The following SCFD2 variants were observed in gnomAD, a reference collection of about 807,000 sequenced individuals.
SCFD2 encodes the protein sec1 family domain containing 2.
SCFD2 carries 54 observed loss-of-function variants against 58.9 expected under a neutral mutation model. The ratio of observed to expected loss-of-function variants is 0.92; its 90% confidence interval spans 0.74 to 1.15. The LOEUF is 1.15. SCFD2 is among the 50% of genes most tolerant of loss of function. The pLI is 0.00. For missense variants in SCFD2, 805 were observed against 836.6 expected (o/e 0.96, Z 0.47); for synonymous variants, 321 against 335.9 (o/e 0.96, Z 0.49).
At chr4:53,197,319 A>C (rs557505328) in intron 4 of SCFD2, among the ~76,000 whole-genome samples, 1 of 152,264 alleles carries the variant, frequency 6.6e-6, no homozygotes, top group East Asian at 1.9e-4. Context: ...ATCATCTGTT[A>C]GTTTCTTCTG....
chr4:53,092,277 G>A (rs1295965745), intron 5 of SCFD2, among the ~76,000 whole-genome samples: 1 of 152,034 alleles, frequency 6.6e-6, no homozygotes, highest in Non-Finnish European at 1.5e-5. Context: ...ATAACAGGTC[G>A]TATTTTTTAA....
chr4:52,996,669 T>A (rs1721747485), intron 5 of SCFD2, among the ~76,000 whole-genome samples: 1 of 152,208 alleles, frequency 6.6e-6, no homozygotes, highest in African/African-American at 2.4e-5. Flanking sequence ...GCCCATCTCA[T>A]CTCAGAAAAC....
intron 1 of SCFD2, among the ~76,000 whole-genome samples, chr4:53,353,406 T>C (rs1287897489): frequency 1.3e-5 from 2 of 152,158 alleles, no homozygotes; most frequent in Non-Finnish European, 2.9e-5. Context: ...CAGCAATATT[T>C]ATTGCAGAGA....
intron 4 of SCFD2, among the ~76,000 whole-genome samples, chr4:53,254,857 T>A (rs944104481): frequency 4.8e-5 from 7 of 144,360 alleles, no homozygotes; most frequent in Non-Finnish European, 7.5e-5. Flanking sequence ...TTTATTTTAT[T>A]TTATTTATTT....
intron 4 of SCFD2, among the ~76,000 whole-genome samples, chr4:53,268,245 A>G (rs1731051760): frequency 6.6e-6 from 1 of 152,060 alleles, no homozygotes; most frequent in Admixed American, 6.6e-5. Flanking sequence ...TTGGAACCCA[A>G]GGGGATGGAA....
chr4:53,333,023 T>C (rs978710742), intron 2 of SCFD2, among the ~76,000 whole-genome samples: 129 of 148,584 alleles, frequency 8.7e-4, no homozygotes, highest in Non-Finnish European at 1.5e-3. Context: ...ATAAAATACC[T>C]AGGAATCCAA....
intron 5 of SCFD2, among the ~76,000 whole-genome samples, chr4:53,024,749 T>C (rs1276413660): frequency 1.3e-5 from 2 of 151,000 alleles, no homozygotes; most frequent in Non-Finnish European, 2.9e-5. Flanking sequence ...GGTTTTCAGC[T>C]AACCCATGGG....
intron 7 of SCFD2, among the ~76,000 whole-genome samples, chr4:52,892,044 C>T (rs1184915938): frequency 1.3e-5 from 2 of 152,246 alleles, no homozygotes; most frequent in African/African-American, 2.4e-5. Context: ...CAGATTGCTA[C>T]CACTGGCCCA....
intron 5 of SCFD2, among the ~76,000 whole-genome samples, chr4:53,038,498 T>G (rs1223713793): frequency 1.3e-5 from 2 of 152,168 alleles, no homozygotes; most frequent in Admixed American, 1.3e-4. Context: ...TAAACAGTTT[T>G]CATTGTAAAA....
At chr4:53,335,759 C>T (rs1420654891) in intron 2 of SCFD2, among the ~76,000 whole-genome samples, 1 of 151,926 alleles carries the variant, frequency 6.6e-6, no homozygotes, top group African/African-American at 2.4e-5. Context: ...AAATACCAAG[C>T]AGCTAAAATA....
At chr4:53,331,533 G>A (rs1733469724) in intron 2 of SCFD2, among the ~76,000 whole-genome samples, 1 of 152,166 alleles carries the variant, frequency 6.6e-6, no homozygotes, top group East Asian at 1.9e-4. Flanking sequence ...CAATAAAGAT[G>A]TTCTTTGAAA....
chr4:53,013,423 C>T (rs569765382), intron 5 of SCFD2, among the ~76,000 whole-genome samples: 1 of 152,276 alleles, frequency 6.6e-6, no homozygotes, highest in African/African-American at 2.4e-5. Flanking sequence ...GACAATTCTC[C>T]CTTTCCTTCT....
chr4:53,180,423 G>A (rs1160248670), intron 4 of SCFD2, among the ~76,000 whole-genome samples: 2 of 152,074 alleles, frequency 1.3e-5, no homozygotes, highest in African/African-American at 2.4e-5. Flanking sequence ...ATGAAATGAA[G>A]GCAGAAATAA....
chr4:53,293,309 G>A (rs1449576432), intron 3 of SCFD2, among the ~76,000 whole-genome samples: 2 of 151,898 alleles, frequency 1.3e-5, no homozygotes, highest in African/African-American at 2.4e-5. Context: ...GTTGTGGGAG[G>A]GGAAGCAGGG....
intron 4 of SCFD2, among the ~76,000 whole-genome samples, chr4:53,244,572 T>A (rs1730003005): frequency 6.6e-6 from 1 of 152,066 alleles, no homozygotes; most frequent in Admixed American, 6.5e-5. Flanking sequence ...CATACCAGAA[T>A]CTGTGGGACA....
At chr4:52,964,243 A>G (rs1720912576) in intron 5 of SCFD2, among the ~76,000 whole-genome samples, 1 of 152,200 alleles carries the variant, frequency 6.6e-6, no homozygotes, top group Non-Finnish European at 1.5e-5. Flanking sequence ...AAGATACAAA[A>G]ACTAGGTCAG....
intron 5 of SCFD2, among the ~76,000 whole-genome samples, chr4:53,144,823 A>C (rs1560355789): frequency 6.6e-6 from 1 of 152,178 alleles, no homozygotes; most frequent in Non-Finnish European, 1.5e-5. Context: ...ATGCCATTGC[A>C]GAAAAATACT....
chr4:53,020,494 T>C (rs1456940511), intron 5 of SCFD2, among the ~76,000 whole-genome samples: 4 of 152,172 alleles, frequency 2.6e-5, no homozygotes, highest in Non-Finnish European at 1.5e-5. Context: ...TCTTTCTACA[T>C]CCCCATCCAG....
rs1733755456 is a variant in SCFD2, at chr4:53,338,578, T to TTTTTC, written c.1007+14019_1007+14020insGAAAA. ...CAAAAGAAAGCAGTATATTTTTCTT[T>TTTTTC]TTTTTTTTTTTTTTTTTTGTGAGAT... On this transcript the variant is annotated intron_variant, in intron 2 of 8. Coordinates refer to ENST00000401642, the MANE Select transcript of SCFD2 (RefSeq NM_152540.4). Among the ~76,000 whole-genome samples the TTTTTC allele has an allele frequency of 3.2e-5, 2 of 62,138 alleles. 1 individual carries two copies. The highest frequency in any genetic ancestry group is 1.2e-3 in the South Asian group (2 of 1,702). The allele number at this position is 62,138 out of a possible 152,430, so 40.8% of individuals were successfully genotyped here.
Sources: gnomAD v4.1 joint callset for allele counts (sites outside exome capture counted in the v4.1 genomes callset) on GRCh38, gnomAD v4.1.1 for gene constraint, MANE v1.5 for transcripts, NCBI Gene and HGNC (gene_info 2026-07-23, HGNC 2026-07-21) for gene names.